The following EPS15 variants were observed in gnomAD, a reference collection of about 807,000 sequenced individuals.
EPS15 encodes the protein epidermal growth factor receptor pathway substrate 15.
EPS15 carries 72 observed loss-of-function variants against 113.8 expected under a neutral mutation model. The observed-to-expected ratio is 0.63, with a 90% CI of 0.52 to 0.77. EPS15 has a LOEUF of 0.77. EPS15 is among the 30% of genes least tolerant of loss of function. EPS15 has a pLI of 0.00. For missense variants in EPS15, 1,048 were observed against 1,045.8 expected (o/e 1.00, Z -0.03); for synonymous variants, 344 against 363.4 (o/e 0.95, Z 0.61).
intron 8 of EPS15, among the ~76,000 whole-genome samples, chr1:51,454,643 CATAAAAA>C (rs1346051099): frequency 6.6e-6 from 1 of 152,088 alleles, no homozygotes; most frequent in Non-Finnish European, 1.5e-5. Context: ...ATGTCAAGGT[CATAAAAA>C]GCAAGGCAAG....
In EPS15 at chr1:51,398,681, AT is replaced by A. The variant is rs577362102; in HGVS notation, c.2052+350del. ...ATTTTATTTTTCTAAAATTCTTTTA[AT>A]TTTCATTATTTCAATAATATACCAA... On this transcript the variant is annotated intron_variant, in intron 20 of 24. Coordinates refer to ENST00000371733, the MANE Select transcript of EPS15 (RefSeq NM_001981.3). Among the ~76,000 whole-genome samples the A allele has an allele frequency of 7.3e-4, 111 of 152,330 alleles. 1 individual carries two copies. In the Middle Eastern group the frequency reaches 0.017, roughly 23 times the overall value.
rs1375781720 is a variant in EPS15, at chr1:51,426,829, C to CTT, written c.1041-4972_1041-4971insAA. Among the ~76,000 whole-genome samples, 911 of 142,238 alleles carry CTT rather than the reference C, an allele frequency of 6.4e-3. 9 individuals carry two copies. The highest frequency in any genetic ancestry group is 0.023 in the African/African-American group (835 of 36,348). 93.3% of individuals were successfully genotyped at this position (142,238 alleles called of 152,430 possible). ...TTAAAATAAATCTGTCTCTCTCTCT[C>CTT]TCTCTCTCTATATATATATATATAC... On this transcript the variant is annotated intron_variant, in intron 12 of 24. Coordinates refer to ENST00000371733, the MANE Select transcript of EPS15 (RefSeq NM_001981.3).
intron 20 of EPS15, among the ~76,000 whole-genome samples, chr1:51,397,596 T>A (rs1444205300): frequency 6.6e-6 from 1 of 152,184 alleles, no homozygotes; most frequent in Non-Finnish European, 1.5e-5. Flanking sequence ...AACTAAGTGC[T>A]ATAGGAAAAC....
chr1:51,423,578 C>G, intron 12 of EPS15: 4 of 985,384 alleles, frequency 4.1e-6, no homozygotes, highest in Non-Finnish European at 4.8e-6. Context: ...ATCAACTCAG[C>G]TCCTGGTTTC....
At chr1:51,482,071 G>A (rs1644030431) in intron 1 of EPS15, among the ~76,000 whole-genome samples, 1 of 152,184 alleles carries the variant, frequency 6.6e-6, no homozygotes, top group East Asian at 1.9e-4. Flanking sequence ...TTGGGAGGCT[G>A]AGGTGGGAGA....
rs758088992 is a variant in EPS15, at chr1:51,465,219, A to G, written c.375+42T>C. 3.3e-6 allele frequency: 4 copies of G among 1,203,066 alleles called. No homozygotes were observed. The South Asian group carries it at 5.0e-5, about 15-fold the overall frequency. 74.5% of individuals were successfully genotyped at this position (1,203,066 alleles called of 1,614,324 possible). On this transcript the variant is annotated intron_variant, in intron 6 of 24. Transcript: ENST00000371733. ...CAGAGGTAGAGAGAGAGTAGATAGGAAGCAATGAAGGGGTGAGAGAATAGT... is the reference window on the plus strand; with the variant it reads ...CAGAGGTAGAGAGAGAGTAGATAGGGAGCAATGAAGGGGTGAGAGAATAGT...
At chr1:51,397,652 G>C (rs967849177) in intron 20 of EPS15, among the ~76,000 whole-genome samples, 2 of 152,056 alleles carry the variant, frequency 1.3e-5, no homozygotes, top group African/African-American at 4.8e-5. Flanking sequence ...CAGTCACGAA[G>C]GTATCTGTCC....
intron 23 of EPS15, among the ~76,000 whole-genome samples, chr1:51,363,544 A>T (rs1363001096): frequency 6.6e-6 from 1 of 152,172 alleles, no homozygotes; most frequent in Non-Finnish European, 1.5e-5. Flanking sequence ...TCAAATGGAT[A>T]ATCAATGAGT....
At chr1:51,389,564 A>G (rs1251113812) in intron 21 of EPS15, among the ~76,000 whole-genome samples, 2 of 152,256 alleles carry the variant, frequency 1.3e-5, no homozygotes, top group Non-Finnish European at 2.9e-5. Context: ...ATATATCTAG[A>G]AAACCCCACT....
chr1:51,439,755 AGCTGAC>A (rs149816836), intron 12 of EPS15, among the ~76,000 whole-genome samples: 3,189 of 152,184 alleles, frequency 0.021, 50 homozygotes, highest in Non-Finnish European at 0.031. Flanking sequence ...TCAGCTCTGC[AGCTGAC>A]AAGCTTGTAT....
chr1:51,498,054 AG>A (rs1352388770), intron 1 of EPS15, among the ~76,000 whole-genome samples: 7 of 152,058 alleles, frequency 4.6e-5, no homozygotes. Flanking sequence ...ATTCATAATT[AG>A]GAAAAAAAAC....
chr1:51,367,882 G>A (rs56064204), intron 21 of EPS15, among the ~76,000 whole-genome samples: 4,587 of 152,118 alleles, frequency 0.03, 76 homozygotes, highest in African/African-American at 0.05. Flanking sequence ...CTGTAATCCC[G>A]GCACTTTGGG....
At chr1:51,419,620 A>G (rs962273088) in intron 13 of EPS15, among the ~76,000 whole-genome samples, 12 of 152,180 alleles carry the variant, frequency 7.9e-5, no homozygotes, top group African/African-American at 2.9e-4. Context: ...AAAGTAGATC[A>G]GAAAGAAGCA....
chr1:51,487,909 T>C (rs1226691718), intron 1 of EPS15, among the ~76,000 whole-genome samples: 1 of 152,166 alleles, frequency 6.6e-6, no homozygotes, highest in African/African-American at 2.4e-5. Context: ...GCTTTTGTTG[T>C]TATTGTCGGA....
At chr1:51,396,667 C>G (rs1347837454) in intron 20 of EPS15, among the ~76,000 whole-genome samples, 1 of 152,122 alleles carries the variant, frequency 6.6e-6, no homozygotes, top group African/African-American at 2.4e-5. Context: ...TACTGTGCAA[C>G]CACCCTAAAA....
intron 21 of EPS15, among the ~76,000 whole-genome samples, chr1:51,379,033 T>A (rs1055047478): frequency 6.6e-6 from 1 of 152,214 alleles, no homozygotes; most frequent in African/African-American, 2.4e-5. Context: ...AGTTACATTA[T>A]AATCAAACTG....
chr1:51,472,698 A>G (rs954638117), intron 3 of EPS15, among the ~76,000 whole-genome samples, 161 bp downstream of exon 3: 4 of 152,236 alleles, frequency 2.6e-5, no homozygotes, highest in African/African-American at 9.6e-5. Flanking sequence ...AGGGTAAATC[A>G]CTACGCTACA....
At chr1:51,369,141 A>T (rs1395582551) in intron 21 of EPS15, among the ~76,000 whole-genome samples, 1 of 152,240 alleles carries the variant, frequency 6.6e-6, no homozygotes, top group African/African-American at 2.4e-5. Context: ...ATTAATTTTA[A>T]AAAGGACACT....
chr1:51,509,984 G>A (rs2148564205), intron 1 of EPS15, among the ~76,000 whole-genome samples: 1 of 152,342 alleles, frequency 6.6e-6, no homozygotes, highest in East Asian at 1.9e-4. Context: ...CTTAGCAGCA[G>A]TTTGACCTTG....
Sources: allele counts gnomAD v4.1 joint callset (sites outside exome capture counted in the v4.1 genomes callset), GRCh38; gene constraint gnomAD v4.1.1; transcripts MANE v1.5; gene names NCBI Gene and HGNC (gene_info 2026-07-23, HGNC 2026-07-21).